Variants in TMEM25 observed in about 807,000 individuals in gnomAD.
TMEM25 encodes 0610039J01Rik.
TMEM25 carries 36 observed loss-of-function variants against 37.0 expected under a neutral mutation model. That is an observed-to-expected ratio of 0.97 (90% CI 0.75 to 1.28). The LOEUF (loss-of-function observed/expected upper bound fraction) is 1.28. Ranked by LOEUF, TMEM25 falls within the 50% of genes most tolerant of loss-of-function variation. The pLI, the probability that TMEM25 is intolerant of heterozygous loss-of-function variation, is 0.00. For synonymous variants in TMEM25, 197 were observed against 203.7 expected (o/e 0.97, Z 0.28); for missense variants, 444 against 477.9 (o/e 0.93, Z 0.66).
Position 118,532,215 on chromosome 11 carries a change from G to A in TMEM25, c.136G>A (p.Glu46Lys). Residue 46 changes from glutamate (E) to lysine (K), a missense_variant, in exon 3 of 9, where the codon GAA becomes AAA. Glu to Lys is a moderately conservative substitution (Grantham distance 56). Coordinates refer to ENST00000313236, the MANE Select transcript of TMEM25 (RefSeq NM_032780.4). ...TWAERALREN[E>K]RHAFTCRVAG... ...GGCTGAGCGGGCACTTCGGGAGAAT[G>A]AACGCCACGCCTTCACCTGCCGGGT... is the stretch of plus-strand genomic sequence containing the variant. 6.2e-7 allele frequency: 1 copy of A among 1,611,154 alleles called. No individual in the cohort carries two copies. The highest frequency in any genetic ancestry group is 8.5e-7 in the Non-Finnish European group (1 of 1,178,248).
downstream of TMEM25, among the ~76,000 whole-genome samples, chr11:118,538,172 T>C (rs1951535110): frequency 1.3e-5 from 2 of 152,062 alleles, no homozygotes. Context: ...GTAATTATTA[T>C]TATTTGTTTA....
In TMEM25 at chr11:118,532,260, C is replaced by T. The variant is rs782764269; in HGVS notation, c.181C>T (p.Pro61Ser). 39 of 1,613,910 alleles carry T rather than the reference C, an allele frequency of 2.4e-5. No homozygotes were observed. The highest frequency in any genetic ancestry group is 3.1e-5 in the Non-Finnish European group (36 of 1,179,948). ...TCRVAGGPGT[P>S]RLAWYLDGQL... ...CCGGGTGGCAGGGGGGCCTGGCACC[C>T]CCAGATTGGCCTGGTATCTGGATGG... Residue 61 changes from proline (P) to serine (S), a missense_variant, in exon 3 of 9, where the codon CCC becomes TCC. Coordinates refer to ENST00000313236, the MANE Select transcript of TMEM25 (RefSeq NM_032780.4).
At chr11:118,546,759 A>T (rs1555067299), downstream of TMEM25, 1 of 152,856 alleles carries the variant, frequency 6.5e-6, no homozygotes, top group Non-Finnish European at 1.5e-5. Context: ...AACTGATACC[A>T]AGTTATGGGC....
Position 118,534,961 on chromosome 11 carries a change from A to G in TMEM25, c.*381A>G, listed in dbSNP as rs1243749249. 6 of 1,086,774 alleles carry G rather than the reference A, an allele frequency of 5.5e-6. No homozygotes were observed. Among genetic ancestry groups the G allele is most frequent in the Non-Finnish European group, 6.7e-6 (6 of 892,168 alleles). The allele number at this position is 1,086,774 out of a possible 1,614,324, so 67.3% of individuals were successfully genotyped here. ...AGTACTCCACAGCACCTTGTACAGT[A>G]GGCATGGGGGCGTGCCTGTGTGGGG... On this transcript the variant is annotated 3_prime_UTR_variant, in exon 9 of 9. Transcript: ENST00000313236. This position sits in a 1 kb window ranked among gnomAD's most constrained non-coding sequence, Gnocchi z 4.6.
chr11:118,545,052 T>C (rs1430722147), intron 8 of TMEM25: 11 of 1,276,580 alleles, frequency 8.6e-6, no homozygotes, highest in East Asian at 2.3e-5. Context: ...ATTAGGGATA[T>C]GCTAATTGCT....
At position 118,535,522 on chromosome 11, in the gene TMEM25, C is replaced by CA; in HGVS notation, c.*943dup. The CA allele has an allele frequency of 6.5e-7, 1 of 1,534,114 alleles. No individual in the cohort carries two copies. Among genetic ancestry groups the CA allele is most frequent in the African/African-American group, 1.4e-5 (1 of 73,088 alleles). On this transcript the variant is annotated 3_prime_UTR_variant, in exon 9 of 9. Coordinates refer to ENST00000313236, the MANE Select transcript of TMEM25 (RefSeq NM_032780.4). ...TTTTCTCTCAGCATGTCTCCTCCAC[C>CA]ACGGGACCCCAGCCCTGACCAACCC... is the stretch of plus-strand genomic sequence containing the variant.
At position 118,533,159 on chromosome 11, in the gene TMEM25, G is replaced by T; in HGVS notation, c.625G>T (p.Val209Leu). The T allele has an allele frequency of 6.2e-7, 1 of 1,607,864 alleles. No individual in the cohort carries two copies. The highest frequency in any genetic ancestry group is 1.3e-5 in the African/African-American group (1 of 75,028). The change falls in exon 4 of 9, where the codon GTG becomes TTG. Residue 209 changes from valine (V) to leucine (L), a missense_variant. By Grantham distance (32) the Val-to-Leu change is conservative. Transcript: ENST00000313236. The stretch of plus-strand genomic sequence containing the variant: ...CAGCCTGGCACACAACCTCTCGGTG[G>T]TGGCCACCAATGACGTGGGTGTCAC... ...LRSLAHNLSV[V>L]ATNDVGVTSA...
At chr11:118,545,338 G>A (rs1245895749) in intron 8 of TMEM25, 2 of 1,131,468 alleles carry the variant, frequency 1.8e-6, no homozygotes, top group African/African-American at 3.1e-5. Context: ...TGCAATCACA[G>A]CAGGCTCAGA....
Position 118,533,872 on chromosome 11 carries a change from C to A in TMEM25, c.821C>A (p.Pro274Gln). The change falls in exon 6 of 9, where the codon CCA becomes CAA. Residue 274 changes from proline to glutamine, a missense_variant. Transcript: ENST00000313236. Reference protein sequence around the residue: ...EKKTKGPSRHPSLISSDSNNL... With the variant: ...EKKTKGPSRHQSLISSDSNNL... ...TTCTCCACAGGCCCCTCCCGGCACC[C>A]ATCTCTGATATCAAGGTAACTCTTC... The A allele has an allele frequency of 6.2e-7, 1 of 1,614,136 alleles. No individual in the cohort carries two copies. Among genetic ancestry groups the A allele is most frequent in the South Asian group, 1.1e-5 (1 of 91,082 alleles).
At chr11:118,533,733 GC>G (rs1308284569) in intron 5 of TMEM25, 123 bp from the exon 6 acceptor site, 37 of 1,570,774 alleles carry the variant, frequency 2.4e-5, no homozygotes, top group Admixed American at 3.4e-5. Flanking sequence ...CCAGTCTCTG[GC>G]CCCAGGGCCA....
Position 118,534,503 on chromosome 11 carries a change from G to A in TMEM25, c.1028-4G>A, listed in dbSNP as rs373128179. On this transcript the variant is annotated splice_polypyrimidine_tract_variant and splice_region_variant and intron_variant, in intron 8 of 8. Transcript: ENST00000313236. The surrounding 1 kb of genome is among the most constrained non-coding windows in gnomAD (Gnocchi z 4.6). Reference sequence around the variant, plus strand: ...AGTCCCCGCGGGCTTCTTTGATCCCGCAGGTTTCATCCGCCTCCCAGTGCT... The same window carrying A: ...AGTCCCCGCGGGCTTCTTTGATCCCACAGGTTTCATCCGCCTCCCAGTGCT... 71 of 1,614,038 alleles carry A rather than the reference G, an allele frequency of 4.4e-5. 1 individual carries two copies. The South Asian group carries it at 6.3e-4, about 14-fold the overall frequency.
rs1406039792 is a variant in TMEM25 at position 118,531,238 on chromosome 11, A to C, written c.-28+4A>C. 2 of 407,446 alleles carry C rather than the reference A, an allele frequency of 4.9e-6. No individual in the cohort carries two copies. The allele number at this position is 407,446 out of a possible 1,614,324, so 25.2% of individuals were successfully genotyped here. Reference sequence around the variant, plus strand: ...CGGCGCTCGGGGAGGGAGCCAGGTGAGCCGCCCCGGTGGCGGGGGGCGGGG... The same window carrying C: ...CGGCGCTCGGGGAGGGAGCCAGGTGCGCCGCCCCGGTGGCGGGGGGCGGGG... On this transcript the variant is annotated splice_donor_region_variant and intron_variant, in intron 1 of 8. Transcript: ENST00000313236.
Position 118,534,042 on chromosome 11 carries a change from C to A in TMEM25, c.850C>A (p.Leu284Ile), listed in dbSNP as rs781790620. The A allele has an allele frequency of 1.2e-6, 2 of 1,614,144 alleles. No homozygotes were observed. Among genetic ancestry groups the A allele is most frequent in the Admixed American group, 3.3e-5 (2 of 60,010 alleles). ...TCCTCCCTGTAGTGACTCCAACAAC[C>A]TAAAACTCAACAACGTGCGCCTGCC... ...PSLISSDSNN[L>I]KLNNVRLPRE... Residue 284 changes from leucine (L) to isoleucine (I), a missense_variant, in exon 7 of 9, where the codon CTA becomes ATA. Physicochemically the swap from Leu to Ile is conservative, Grantham distance 5. Transcript: ENST00000313236. The surrounding 1 kb of genome is among the most constrained non-coding windows in gnomAD (Gnocchi z 4.6).
chr11:118,533,054 G>T lies in TMEM25; in HGVS notation c.520G>T (p.Val174Phe). The T allele has an allele frequency of 6.2e-7, 1 of 1,614,194 alleles. No homozygotes were observed. Among genetic ancestry groups the T allele is most frequent in the Non-Finnish European group, 8.5e-7 (1 of 1,180,042 alleles). ...TWIDQDGPVT[V>F]NTSDFLVLDA... ...GATCGACCAGGATGGGCCAGTGACT[G>T]TCAACACCTCTGACTTCCTGGTGCT... The change falls in exon 4 of 9, where the codon GTC becomes TTC. Residue 174 changes from valine to phenylalanine, a missense_variant. Val to Phe is a conservative substitution (Grantham distance 50). Transcript: ENST00000313236.
At chr11:118,537,927 T>C (rs1369415959), downstream of TMEM25, among the ~76,000 whole-genome samples, 7 of 151,914 alleles carry the variant, frequency 4.6e-5, no homozygotes, top group Non-Finnish European at 7.4e-5. Flanking sequence ...GGTGTGTACC[T>C]GTAGTGCCAG....
chr11:118,542,984 G>A (rs1335937232), intron 8 of TMEM25, among the ~76,000 whole-genome samples: 1 of 149,818 alleles, frequency 6.7e-6, no homozygotes, highest in Non-Finnish European at 1.5e-5. Flanking sequence ...GCTCATGCCT[G>A]TAATCCCAGC....
At chr11:118,533,785 G>T (rs1452234095) in intron 5 of TMEM25, 72 bp from the exon 6 acceptor site, 3 of 1,610,982 alleles carry the variant, frequency 1.9e-6, no homozygotes, top group Non-Finnish European at 2.5e-6. Context: ...AGGGTCCTGG[G>T]TCTGAAAGGG....
Position 118,535,782 on chromosome 11 carries a change from AGGG to A in TMEM25, c.*1203_*1205del. 1 of 1,328,804 alleles carries A rather than the reference AGGG, an allele frequency of 7.5e-7. No individual in the cohort carries two copies. Among genetic ancestry groups the A allele is most frequent in the Non-Finnish European group, 9.6e-7 (1 of 1,042,434 alleles). 82.3% of individuals were successfully genotyped at this position (1,328,804 alleles called of 1,614,324 possible). A position where few individuals can be genotyped will look rare whatever the true frequency, so the allele number is the denominator to read the frequency against. ...TGTAATGTTTTTCATGTTACTGCCTAGGGCGGTGCTGAGCACACAGCAAGTTTA... is the reference window on the plus strand; with the variant it reads ...TGTAATGTTTTTCATGTTACTGCCTACGGTGCTGAGCACACAGCAAGTTTA... On this transcript the variant is annotated 3_prime_UTR_variant, in exon 9 of 9. Transcript: ENST00000313236.
At chr11:118,532,835 G>T in intron 3 of TMEM25, 82 bp from the exon 4 acceptor site, 1 of 1,527,040 alleles carries the variant, frequency 6.5e-7, no homozygotes, top group Non-Finnish European at 8.8e-7. Flanking sequence ...CCAGGCCCCT[G>T]GCTCCCATCT....
Sources: allele counts gnomAD v4.1 joint callset (sites outside exome capture counted in the v4.1 genomes callset), GRCh38; gene constraint gnomAD v4.1.1; non-coding constraint Gnocchi (gnomAD v3.1); transcripts MANE v1.5; gene names NCBI Gene and HGNC (gene_info 2026-07-23, HGNC 2026-07-21).